RAB38: variants seen among roughly 807,000 people sequenced by gnomAD.
RAB38 encodes the protein RAB38, member RAS oncogene family.
Under a neutral mutation model 18.4 loss-of-function variants are expected in RAB38, and 15 were observed. That is an observed-to-expected ratio of 0.82 (90% confidence interval 0.55 to 1.26). The LOEUF (loss-of-function observed/expected upper bound fraction) is 1.26. Among genes scored for constraint, RAB38 ranks in the 50% most tolerant of loss-of-function variants. RAB38 has a pLI of 0.00. For synonymous variants in RAB38, 101 were observed against 104.4 expected, an observed-to-expected ratio of 0.97 and a Z score of 0.20; for missense variants, 294 against 267.4, an observed-to-expected ratio of 1.10 and a Z score of -0.69.
intron 2 of RAB38, among the ~76,000 whole-genome samples, chr11:88,133,826 T>A (rs951923384): frequency 6.6e-6 from 1 of 152,216 alleles, no homozygotes; most frequent in Non-Finnish European, 1.5e-5. Flanking sequence ...AGTAATCTTA[T>A]TAGGGCTGTC....
At chr11:87,818,576 C>T in the RAB38 span, among the ~76,000 whole-genome samples, 3 of 152,082 alleles carry the variant, frequency 2.0e-5, no homozygotes, top group African/African-American at 7.2e-5. Context: ...TATGCATACA[C>T]CTCTCAAATA....
the RAB38 span, among the ~76,000 whole-genome samples, chr11:87,869,476 T>A: frequency 2.6e-5 from 4 of 151,804 alleles, no homozygotes; most frequent in African/African-American, 9.6e-5. Context: ...TGCATCTGTA[T>A]CCTGTAAACA....
intron 1 of RAB38, among the ~76,000 whole-genome samples, chr11:88,172,276 A>G (rs750855909): frequency 9.9e-5 from 15 of 152,186 alleles, no homozygotes; most frequent in South Asian, 6.2e-4. Context: ...GCTGTCCCCT[A>G]TGGGGTTTGG....
chr11:88,076,544 C>G, the RAB38 span, among the ~76,000 whole-genome samples: 1 of 151,988 alleles, frequency 6.6e-6, no homozygotes, highest in Non-Finnish European at 1.5e-5. Context: ...ATCAGAAAAC[C>G]GATAGAACTG....
chr11:88,172,256 C>T (rs1943318663), intron 1 of RAB38, among the ~76,000 whole-genome samples: 1 of 152,216 alleles, frequency 6.6e-6, no homozygotes, highest in African/African-American at 2.4e-5. Flanking sequence ...CACTGGAATC[C>T]AGGCCAACTG....
intron 1 of RAB38, among the ~76,000 whole-genome samples, chr11:88,150,905 T>C (rs1443901559): frequency 1.3e-5 from 2 of 152,192 alleles, no homozygotes; most frequent in South Asian, 2.1e-4. Context: ...ACATCTATTA[T>C]ATCGATGCCA....
chr11:88,158,443 T>C (rs1591175640), intron 1 of RAB38, among the ~76,000 whole-genome samples: 1 of 152,150 alleles, frequency 6.6e-6, no homozygotes, highest in South Asian at 2.1e-4. Context: ...AGCATCACCC[T>C]GATACCAAAA....
At chr11:87,893,390 A>ATATATATATATATATATATATTTT in the RAB38 span, among the ~76,000 whole-genome samples, 280 of 93,852 alleles carry the variant, frequency 3.0e-3, 3 homozygotes, top group South Asian at 0.023. Context: ...ATATATATAT[A>ATATATATATATATATATATATTTT]TTTTTTTTTT....
intron 2 of RAB38, among the ~76,000 whole-genome samples, chr11:88,146,166 C>T (rs1942982417): frequency 6.6e-6 from 1 of 152,188 alleles, no homozygotes; most frequent in African/African-American, 2.4e-5. Context: ...TGGAAAGTTA[C>T]TCCATAGGAT....
At chr11:87,881,268 G>C in the RAB38 span, among the ~76,000 whole-genome samples, 3 of 151,826 alleles carry the variant, frequency 2.0e-5, no homozygotes. Flanking sequence ...CTCATGTTCA[G>C]AGCCCAGGAT....
At chr11:87,855,887 G>C in the RAB38 span, among the ~76,000 whole-genome samples, 1 of 151,824 alleles carries the variant, frequency 6.6e-6, no homozygotes, top group Non-Finnish European at 1.5e-5. Context: ...CTTTGTATTT[G>C]TTTGTGTATC....
chr11:87,805,321 CAT>C, the RAB38 span, among the ~76,000 whole-genome samples: 1 of 152,088 alleles, frequency 6.6e-6, no homozygotes, highest in Admixed American at 6.6e-5. Context: ...TGCATATACA[CAT>C]ATTCACAGGT....
chr11:87,884,665 AC>A, the RAB38 span, among the ~76,000 whole-genome samples: 1 of 151,966 alleles, frequency 6.6e-6, no homozygotes, highest in East Asian at 2.0e-4. Flanking sequence ...GAAGCCAAAG[AC>A]AATGTCCCTG....
At chr11:87,846,545 C>T in the RAB38 span, among the ~76,000 whole-genome samples, 2 of 151,832 alleles carry the variant, frequency 1.3e-5, no homozygotes, top group African/African-American at 2.4e-5. Flanking sequence ...AAAAGCTTTG[C>T]TATGCAGTAC....
chr11:87,878,222 T>C, the RAB38 span, among the ~76,000 whole-genome samples: 1,105 of 116,194 alleles, frequency 9.5e-3, 93 homozygotes, highest in African/African-American at 5.2e-3. Flanking sequence ...TATATATATA[T>C]ACACACATAT....
chr11:88,126,707 A>T (rs924019313), intron 2 of RAB38, among the ~76,000 whole-genome samples: 30 of 152,240 alleles, frequency 2.0e-4, no homozygotes, highest in Admixed American at 3.9e-4. Flanking sequence ...TAATAATAAA[A>T]AAAAAAAGAA....
chr11:88,167,595 T>C (rs1014463786), intron 1 of RAB38: 1 of 152,134 alleles, frequency 6.6e-6, no homozygotes, highest in Non-Finnish European at 1.5e-5. Flanking sequence ...ATATTTATTT[T>C]ATAAGGTAGA....
At chr11:87,944,097 A>T in the RAB38 span, among the ~76,000 whole-genome samples, 2 of 152,180 alleles carry the variant, frequency 1.3e-5, no homozygotes, top group Admixed American at 6.6e-5. Flanking sequence ...TATGCAAGTT[A>T]TGTTTATACT....
chr11:88,113,987 A>G lies in RAB38; in HGVS notation c.*1T>C. 6.2e-7 allele frequency: 1 copy of G among 1,614,146 alleles called. No individual in the cohort carries two copies. The highest frequency in any genetic ancestry group is 8.5e-7 in the Non-Finnish European group (1 of 1,179,982). ...CTACCAGACACCAGCAAAGGTGCCT[A>G]CTAGGATTTGGCACAGCCAGAGCAG... On this transcript the variant is annotated 3_prime_UTR_variant, in exon 3 of 3. Coordinates refer to ENST00000243662, the MANE Select transcript of RAB38 (RefSeq NM_022337.3).
Sources: allele counts gnomAD v4.1 joint callset (sites outside exome capture counted in the v4.1 genomes callset), GRCh38; gene constraint gnomAD v4.1.1; transcripts MANE v1.5; gene names NCBI Gene and HGNC (gene_info 2026-07-23, HGNC 2026-07-21).